The following OPRM1 variants were observed in gnomAD, a reference collection of about 807,000 sequenced individuals.
OPRM1 encodes the protein opioid receptor mu 1.
A neutral mutation model predicts 31.8 loss-of-function variants in OPRM1; 27 were observed. That is an observed-to-expected ratio of 0.85 (90% confidence interval 0.63 to 1.17). The LOEUF is 1.17. Among genes scored for constraint, OPRM1 ranks in the 50% most tolerant of loss-of-function variants. The probability of loss-of-function intolerance (pLI) is 0.00; values close to 1 mark genes in which losing one functional copy is unlikely to be tolerated. For synonymous variants in OPRM1, 196 were observed against 189.9 expected, an observed-to-expected ratio of 1.03 and a Z score of -0.26; for missense variants, 536 against 511.1, an observed-to-expected ratio of 1.05 and a Z score of -0.47.
At chr6:154,139,602 A>G (rs526517) in intron 3 of OPRM1, among the ~76,000 whole-genome samples, 139,734 of 152,164 alleles carry the variant, frequency 0.92, 64,184 homozygotes, top group East Asian at 0.98. Context: ...TGACCTGTGC[A>G]GCCCAGGGAC....
At chr6:154,200,121 A>G (rs1776943442) in intron 3 of OPRM1, 2 of 1,281,510 alleles carry the variant, frequency 1.6e-6, no homozygotes, top group Non-Finnish European at 2.1e-6. Flanking sequence ...ATTTTCAATC[A>G]CGGTGTCCCC....
Position 154,111,755 on chromosome 6 carries a change from TA to T in OPRM1, c.1165-6927del, listed in dbSNP as rs1262450788. Among the ~76,000 whole-genome samples, 8 of 1,850 alleles carry T rather than the reference TA, an allele frequency of 4.3e-3. No individual in the cohort carries two copies. The East Asian group carries it at 0.5, about 116-fold the overall frequency. 1.2% of individuals were successfully genotyped at this position (1,850 alleles called of 152,430 possible). ...TCCTGGAAAAACTATAGTTTATTTT[TA>T]TTTATTTATTTATTTATTTATTTAT... On this transcript the variant is annotated intron_variant, in intron 3 of 3. Coordinates refer to ENST00000330432, the MANE Select transcript of OPRM1 (RefSeq NM_000914.5).
intron 1 of OPRM1, among the ~76,000 whole-genome samples, chr6:154,077,173 G>T (rs946907251): frequency 6.6e-6 from 1 of 152,092 alleles, no homozygotes; most frequent in Non-Finnish European, 1.5e-5. Context: ...CAGGGACATT[G>T]CACATACTCT....
intron 1 of OPRM1, chr6:154,011,091 C>T (rs915874789): frequency 8.2e-7 from 1 of 1,219,102 alleles, no homozygotes; most frequent in Admixed American, 2.3e-5. Context: ...GGAGTAAGGG[C>T]TGCTTGACAC....
chr6:154,104,077 G>T (rs1795243167), intron 3 of OPRM1, among the ~76,000 whole-genome samples: 1 of 152,168 alleles, frequency 6.6e-6, no homozygotes, highest in African/African-American at 2.4e-5. Flanking sequence ...CCTAAGAGTT[G>T]CAGAGAGATG....
chr6:154,018,514 T>C (rs1778145679), intron 1 of OPRM1, among the ~76,000 whole-genome samples: 2 of 151,718 alleles, frequency 1.3e-5, no homozygotes, highest in African/African-American at 2.4e-5. Flanking sequence ...TCTTTTTTTT[T>C]TTTTTGTCTT....
chr6:154,107,749 G>A (rs532810850), intron 3 of OPRM1: 2 of 718,322 alleles, frequency 2.8e-6, no homozygotes, highest in Non-Finnish European at 5.2e-6. Flanking sequence ...TGGTTTCAGG[G>A]ACCTCCAGCC....
intron 3 of OPRM1, among the ~76,000 whole-genome samples, chr6:154,099,979 TCATAA>T (rs1176317462): frequency 5.7e-5 from 8 of 140,412 alleles, no homozygotes; most frequent in South Asian, 2.2e-4. Context: ...ACGATATATA[TCATAA>T]CATATTATAT....
At chr6:154,148,709 C>G (rs988502921) in intron 3 of OPRM1, among the ~76,000 whole-genome samples, 1 of 152,252 alleles carries the variant, frequency 6.6e-6, no homozygotes, top group African/African-American at 2.4e-5. Context: ...TGGGTCACTT[C>G]TATCTCCACA....
intron 1 of OPRM1, chr6:154,087,078 CTA>C: frequency 1.0e-6 from 1 of 984,566 alleles, no homozygotes; most frequent in Non-Finnish European, 1.2e-6. Context: ...TTAAATGGCT[CTA>C]TCTTTTTCTT....
rs1358444421 is a variant in OPRM1 at position 154,109,792 on chromosome 6, C to CTCTGTG, written c.1165-8890_1165-8889insCTGTGT. Among the ~76,000 whole-genome samples, 61 of 101,274 alleles carry CTCTGTG rather than the reference C, an allele frequency of 6.0e-4. 1 individual carries two copies. The highest frequency in any genetic ancestry group is 2.1e-3 in the African/African-American group (56 of 26,318). 66.4% of individuals were successfully genotyped at this position (101,274 alleles called of 152,430 possible). On this transcript the variant is annotated intron_variant, in intron 3 of 3. Coordinates refer to ENST00000330432, the MANE Select transcript of OPRM1 (RefSeq NM_000914.5). ...CCTCTCTCTCTCTCTCTCTCTCTCT[C>CTCTGTG]TGTGTGTGTGTGTGTGTGTGTGTGT... is the stretch of plus-strand genomic sequence containing the variant.
chr6:154,238,451 A>G (rs2128633593), intron 3 of OPRM1, among the ~76,000 whole-genome samples: 1 of 152,246 alleles, frequency 6.6e-6, no homozygotes, highest in Non-Finnish European at 1.5e-5. Flanking sequence ...ATTTTAATAC[A>G]GACAGGGTTT....
intron 1 of OPRM1, among the ~76,000 whole-genome samples, chr6:154,029,276 TA>T (rs147062838): frequency 0.023 from 3,515 of 151,510 alleles, 153 homozygotes; most frequent in African/African-American, 0.081. Context: ...ATGTTTCCTT[TA>T]AAAAAAAACT....
intron 1 of OPRM1, chr6:154,083,755 C>G (rs1375417995): frequency 6.6e-6 from 1 of 152,156 alleles, no homozygotes; most frequent in Non-Finnish European, 1.5e-5. Context: ...ATCCTGGCTA[C>G]GACACGGTGA....
intron 3 of OPRM1, among the ~76,000 whole-genome samples, chr6:154,185,870 G>C (rs1302714588): frequency 6.6e-6 from 1 of 152,210 alleles, no homozygotes; most frequent in Non-Finnish European, 1.5e-5. Flanking sequence ...CCACAAGTTG[G>C]ATAAGCTTGT....
intron 3 of OPRM1, among the ~76,000 whole-genome samples, chr6:154,200,938 G>T (rs1457615355): frequency 2.0e-5 from 3 of 152,156 alleles, no homozygotes; most frequent in African/African-American, 7.2e-5. Flanking sequence ...ACATGTCGAG[G>T]GAGGGACCTG....
intron 3 of OPRM1, among the ~76,000 whole-genome samples, chr6:154,217,998 T>C (rs929411538): frequency 1.3e-5 from 2 of 152,216 alleles, no homozygotes; most frequent in Non-Finnish European, 2.9e-5. Context: ...ATTAGTTACT[T>C]GCTGTGAAAA....
At chr6:154,187,275 C>T (rs942078317) in intron 3 of OPRM1, among the ~76,000 whole-genome samples, 3 of 152,164 alleles carry the variant, frequency 2.0e-5, no homozygotes, top group African/African-American at 4.8e-5. Context: ...CTCTCTAACC[C>T]CCTTGCCCTG....
rs115009161 is a variant in OPRM1, at chr6:154,107,038, G to A, written c.1165-11645G>A. Among the ~76,000 whole-genome samples, 1,510 of 152,162 alleles carry A rather than the reference G, an allele frequency of 9.9e-3. 22 individuals carry two copies. Among genetic ancestry groups the A allele is most frequent in the African/African-American group, 0.035 (1,453 of 41,486 alleles). ...TTCATTTAAAGGCTTATATTTCTAA[G>A]CCAATTAATCAGAGCCCTTTTACAT... On this transcript the variant is annotated intron_variant, in intron 3 of 3. Coordinates refer to ENST00000330432, the MANE Select transcript of OPRM1 (RefSeq NM_000914.5).
Sources: allele counts gnomAD v4.1 joint callset (sites outside exome capture counted in the v4.1 genomes callset), GRCh38; gene constraint gnomAD v4.1.1; transcripts MANE v1.5; gene names NCBI Gene and HGNC (gene_info 2026-07-23, HGNC 2026-07-21).